The following ENPP3 variants were observed in gnomAD, a reference collection of about 807,000 sequenced individuals.
The protein encoded by ENPP3 is ectonucleotide pyrophosphatase/phosphodiesterase family member 3.
Under a neutral mutation model 117.8 loss-of-function variants are expected in ENPP3, and 104 were observed. The ratio of observed to expected loss-of-function variants is 0.88; its 90% CI spans 0.75 to 1.04. ENPP3 has a LOEUF of 1.04. ENPP3 is among the 50% of genes least tolerant of loss of function. The pLI is 0.00. For synonymous variants in ENPP3, 380 were observed against 349.9 expected (o/e 1.09, Z -0.96); for missense variants, 1,026 against 1,051.9 (o/e 0.98, Z 0.34).
chr6:131,715,834 C>T (rs944409316), intron 15 of ENPP3, among the ~76,000 whole-genome samples: 1 of 152,016 alleles, frequency 6.6e-6, no homozygotes, highest in Non-Finnish European at 1.5e-5. Flanking sequence ...TGTAGATGGG[C>T]TTGCCAGGTC....
At position 131,746,794 on chromosome 6, in the gene ENPP3, A is replaced by G; in HGVS notation, c.2466A>G (p.Lys822=). ...GTGCTTTTCTTTTTCAGGAAGGTAA[A>G]CCAGAAGCTCTTTGGGTTGAAGAAA... The part of the protein sequence containing the change: ...PTNVESCPEG[K]PEALWVEERF... Residue 822 remains lysine, a synonymous_variant, in exon 25 of 25, where the codon AAA becomes AAG. Coordinates refer to ENST00000357639, the MANE Select transcript of ENPP3 (RefSeq NM_005021.5). 1 of 1,601,032 alleles carries G rather than the reference A, an allele frequency of 6.2e-7. No individual in the cohort carries two copies. Among genetic ancestry groups the G allele is most frequent in the Non-Finnish European group, 8.5e-7 (1 of 1,176,112 alleles).
intron 6 of ENPP3, among the ~76,000 whole-genome samples, chr6:131,669,855 A>G (rs540367536): frequency 1.3e-4 from 20 of 152,158 alleles, no homozygotes; most frequent in Admixed American, 5.2e-4. Context: ...ATTTGAGAAA[A>G]CACTCATTGT....
At position 131,737,567 on chromosome 6, in the gene ENPP3, G is replaced by C. The variant is rs1780425877; in HGVS notation, c.2167+135G>C. 5.4e-6 allele frequency: 3 copies of C among 557,656 alleles called. No homozygotes were observed. In the Admixed American group the frequency reaches 1.0e-4, roughly 19 times the overall value. 34.5% of individuals were successfully genotyped at this position (557,656 alleles called of 1,614,324 possible). On this transcript the variant is annotated intron_variant, in intron 22 of 24. Transcript: ENST00000357639. ...TTTTGTTCTAATGGTTTAAATATAG[G>C]TATAGGAAGGATCCCTCACATAGTT...
intron 16 of ENPP3, among the ~76,000 whole-genome samples, chr6:131,719,502 T>C (rs1164183163): frequency 2.0e-5 from 3 of 152,092 alleles, no homozygotes; most frequent in African/African-American, 7.2e-5. Flanking sequence ...CATGGTGAGT[T>C]ACATCTTTTT....
intron 9 of ENPP3, among the ~76,000 whole-genome samples, chr6:131,676,448 T>A (rs528109215): frequency 1.3e-5 from 2 of 152,302 alleles, no homozygotes; most frequent in South Asian, 2.1e-4. Flanking sequence ...CATACATTTT[T>A]AAAAATTGAA....
chr6:131,725,371 G>T (rs541402519), intron 19 of ENPP3, among the ~76,000 whole-genome samples: 1 of 152,126 alleles, frequency 6.6e-6, no homozygotes, highest in Admixed American at 6.5e-5. Flanking sequence ...AGCAGATTTG[G>T]TTTCTGATGA....
At chr6:131,684,347 T>C (rs923959466) in intron 12 of ENPP3, among the ~76,000 whole-genome samples, 4 of 152,342 alleles carry the variant, frequency 2.6e-5, no homozygotes, top group East Asian at 1.9e-4. Context: ...ATGGAAACTT[T>C]TGATGTACAT....
At chr6:131,700,671 A>C (rs779149287) in intron 15 of ENPP3, 1 of 1,559,422 alleles carries the variant, frequency 6.4e-7, no homozygotes, top group Non-Finnish European at 8.6e-7. Flanking sequence ...AATCACACAG[A>C]GGTGGGAGAA....
chr6:131,738,505 GA>G (rs1034229875), intron 23 of ENPP3, among the ~76,000 whole-genome samples: 5 of 148,220 alleles, frequency 3.4e-5, no homozygotes, highest in Admixed American at 1.3e-4. Flanking sequence ...AACAGTAAAT[GA>G]AAAAAAAGTC....
At position 131,654,109 on chromosome 6, in the gene ENPP3, TTTATTATTATTATTA is replaced by T. The variant is rs35379106; in HGVS notation, c.464+1243_464+1257del. On this transcript the variant is annotated intron_variant, in intron 5 of 24. Coordinates refer to ENST00000357639, the MANE Select transcript of ENPP3 (RefSeq NM_005021.5). ...GTAGAGGCAGTTTTTAAATTTAAGT[TTTATTATTATTATTA>T]TTATTATTATTATTATTATTATTAC... Among the ~76,000 whole-genome samples, 225 of 143,300 alleles carry T rather than the reference TTTATTATTATTATTA, an allele frequency of 1.6e-3. 2 individuals are homozygous for T. Among genetic ancestry groups the T allele is most frequent in the Middle Eastern group, 7.1e-3 (2 of 280 alleles). The allele number at this position is 143,300 out of a possible 152,430, so 94.0% of individuals were successfully genotyped here.
intron 11 of ENPP3, among the ~76,000 whole-genome samples, chr6:131,678,709 A>T (rs1208134948): frequency 5.3e-5 from 8 of 152,142 alleles, no homozygotes; most frequent in Non-Finnish European, 1.2e-4. Flanking sequence ...AGCTTTTTTT[A>T]AATTCCTTCC....
chr6:131,723,203 A>C (rs1215620086), intron 18 of ENPP3, among the ~76,000 whole-genome samples: 1 of 152,134 alleles, frequency 6.6e-6, no homozygotes, highest in African/African-American at 2.4e-5. Flanking sequence ...TCAGGTAAGA[A>C]TTTTTCCTTA....
intron 7 of ENPP3, among the ~76,000 whole-genome samples, chr6:131,672,702 A>G (rs1267777569): frequency 6.6e-6 from 1 of 151,598 alleles, no homozygotes; most frequent in Non-Finnish European, 1.5e-5. Flanking sequence ...ACATATATGT[A>G]TACATAAAAT....
chr6:131,709,860 T>A, intron 15 of ENPP3: 1 of 1,594,734 alleles, frequency 6.3e-7, no homozygotes, highest in South Asian at 1.1e-5. Flanking sequence ...ATTCAGTCAT[T>A]ATTTTAAGTT....
At chr6:131,690,471 A>C (rs1779253504) in intron 14 of ENPP3, among the ~76,000 whole-genome samples, 1 of 152,254 alleles carries the variant, frequency 6.6e-6, no homozygotes, top group South Asian at 2.1e-4. Context: ...GTAATTTAAA[A>C]TTCAGGTATG....
intron 20 of ENPP3, among the ~76,000 whole-genome samples, chr6:131,728,801 G>C (rs1780212515): frequency 6.6e-6 from 1 of 152,158 alleles, no homozygotes; most frequent in African/African-American, 2.4e-5. Flanking sequence ...GGAAGTAGTT[G>C]TGATTTGAAA....
At chr6:131,651,171 C>T (rs1476561043) in intron 3 of ENPP3, among the ~76,000 whole-genome samples, 6 of 151,866 alleles carry the variant, frequency 4.0e-5, no homozygotes, top group Non-Finnish European at 5.9e-5. Context: ...CCCACTACCT[C>T]GGCATCCCAA....
In ENPP3 at chr6:131,738,059, T is replaced by A. The variant is rs1427675666; in HGVS notation, c.2196T>A (p.Leu732=). 1 of 1,607,134 alleles carries A rather than the reference T, an allele frequency of 6.2e-7. No individual in the cohort carries two copies. The change falls in exon 23 of 25, where the codon CTT becomes CTA. Residue 732 remains leucine (L), a synonymous_variant. Transcript: ENST00000357639. The part of the protein sequence containing the change: ...RKMWDYFHSV[L]LIKHATERNG... ...TGTGGGACTACTTCCACAGTGTTCTTCTTATAAAACATGCCACAGAAAGAA... is the reference window on the plus strand; with the variant it reads ...TGTGGGACTACTTCCACAGTGTTCTACTTATAAAACATGCCACAGAAAGAA...
rs1396141619 is a variant in ENPP3, at chr6:131,706,071, C to T, written c.1412+12447C>T. Among the ~76,000 whole-genome samples, 2 of 126,590 alleles carry T rather than the reference C, an allele frequency of 1.6e-5. 1 individual carries two copies. The highest frequency in any genetic ancestry group is 5.0e-4 in the East Asian group (2 of 3,972). The allele number at this position is 126,590 out of a possible 152,430, so 83.0% of individuals were successfully genotyped here. A position where few individuals can be genotyped will look rare whatever the true frequency, so the allele number is the denominator to read the frequency against. ...GGAGGTGGAGTCTTGTTCTGTTGCC[C>T]AGGCTGGAGTGCAGTGGTGCAATCT... On this transcript the variant is annotated intron_variant, in intron 15 of 24. Transcript: ENST00000357639.
Sources: allele counts gnomAD v4.1 joint callset (sites outside exome capture counted in the v4.1 genomes callset), GRCh38; gene constraint gnomAD v4.1.1; transcripts MANE v1.5; gene names NCBI Gene and HGNC (gene_info 2026-07-23, HGNC 2026-07-21).